Variants in ZDHHC21 observed in about 807,000 individuals in gnomAD.
The protein encoded by ZDHHC21 is palmitoyltransferase ZDHHC21.
ZDHHC21 carries 15 observed loss-of-function variants against 34.6 expected under a neutral mutation model. That is an observed-to-expected ratio of 0.43 (90% CI 0.29 to 0.67). ZDHHC21 has a LOEUF of 0.67. ZDHHC21 is among the 30% of genes least tolerant of loss of function. ZDHHC21 has a pLI of 0.14. For synonymous variants in ZDHHC21, 142 were observed against 101.8 expected (o/e 1.40, Z -2.38); for missense variants, 344 against 327.7 (o/e 1.05, Z -0.38).
chr9:14,636,948 C>G (rs10961630), intron 8 of ZDHHC21, among the ~76,000 whole-genome samples: 59,771 of 151,702 alleles, frequency 0.39, 12,154 homozygotes, highest in Non-Finnish European at 0.45. Context: ...TATATCAAAA[C>G]AGTAGAAAGA....
At chr9:14,628,021 G>C (rs974790259) in intron 8 of ZDHHC21, among the ~76,000 whole-genome samples, 1 of 152,250 alleles carries the variant, frequency 6.6e-6, no homozygotes, top group East Asian at 1.9e-4. Flanking sequence ...GAAGTAGACT[G>C]ATTTGAAAAC....
At chr9:14,625,493 TC>T (rs1826045220) in intron 8 of ZDHHC21, among the ~76,000 whole-genome samples, 1 of 152,046 alleles carries the variant, frequency 6.6e-6, no homozygotes, top group Non-Finnish European at 1.5e-5. Context: ...GACTGTATAA[TC>T]TAAAGAAAAT....
intron 8 of ZDHHC21, among the ~76,000 whole-genome samples, chr9:14,635,291 A>C (rs1407834582): frequency 6.6e-6 from 1 of 152,212 alleles, no homozygotes; most frequent in Non-Finnish European, 1.5e-5. Context: ...AAAACTTCTC[A>C]AGTCTAGCAA....
chr9:14,638,410 C>T (rs953441133), intron 8 of ZDHHC21, among the ~76,000 whole-genome samples: 1 of 152,008 alleles, frequency 6.6e-6, no homozygotes, highest in African/African-American at 2.4e-5. Context: ...GTATTAAAGA[C>T]TTAAACATAA....
chr9:14,623,591 C>T (rs942097985), intron 8 of ZDHHC21, among the ~76,000 whole-genome samples: 14 of 143,898 alleles, frequency 9.7e-5, no homozygotes, highest in Non-Finnish European at 1.4e-4. Context: ...TGCAACTATA[C>T]ATCTGACAAG....
rs1339996200 is a variant in ZDHHC21, at chr9:14,690,372, A to C, written c.-211T>G. 1 of 456,140 alleles carries C rather than the reference A, an allele frequency of 2.2e-6. No homozygotes were observed. The highest frequency in any genetic ancestry group is 1.6e-5 in the South Asian group (1 of 64,400). 28.3% of individuals were successfully genotyped at this position (456,140 alleles called of 1,614,324 possible). The stretch of plus-strand genomic sequence containing the variant: ...AAGCTGAAAATCCTGCAGTAAGTGA[A>C]AAAGTTCTTCATTCTGTAATTACAG... On this transcript the variant is annotated 5_prime_UTR_variant, in exon 2 of 10. Coordinates refer to ENST00000380916, the MANE Select transcript of ZDHHC21 (RefSeq NM_178566.6).
chr9:14,627,046 G>A (rs958288431), intron 8 of ZDHHC21, among the ~76,000 whole-genome samples: 2 of 152,052 alleles, frequency 1.3e-5, no homozygotes, highest in Non-Finnish European at 2.9e-5. Flanking sequence ...ACCTGGAGCT[G>A]AGTACATCAA....
chr9:14,644,797 T>TAG (rs1159328182), intron 7 of ZDHHC21, among the ~76,000 whole-genome samples: 2 of 149,706 alleles, frequency 1.3e-5, no homozygotes, highest in Non-Finnish European at 3.0e-5. Flanking sequence ...GGAGTTTATA[T>TAG]ATATACACAC....
At position 14,613,559 on chromosome 9, in the gene ZDHHC21, A is replaced by C. The variant is rs1823683553; in HGVS notation, c.*5407T>G. On this transcript the variant is annotated 3_prime_UTR_variant, in exon 10 of 10. Transcript: ENST00000380916. Reference sequence around the variant, plus strand: ...ACAAAAAAGCCCACAACTTCTGTTAAGCTATTTTGTCCGCATCTTTGTTTA... The same window carrying C: ...ACAAAAAAGCCCACAACTTCTGTTACGCTATTTTGTCCGCATCTTTGTTTA... 6.6e-6 allele frequency: 1 copy of C among 151,866 alleles called. No individual in the cohort carries two copies. Among genetic ancestry groups the C allele is most frequent in the Admixed American group, 6.6e-5 (1 of 15,208 alleles). The allele number at this position is 151,866 out of a possible 1,614,324, so 9.4% of individuals were successfully genotyped here. A position where few individuals can be genotyped will look rare whatever the true frequency, so the allele number is the denominator to read the frequency against.
chr9:14,682,014 C>A (rs1254713473), intron 2 of ZDHHC21, among the ~76,000 whole-genome samples: 3 of 152,114 alleles, frequency 2.0e-5, no homozygotes, highest in African/African-American at 4.8e-5. Context: ...ACCACCAGGC[C>A]TGCCCTACAA....
chr9:14,668,582 C>T (rs1834907642), intron 5 of ZDHHC21, among the ~76,000 whole-genome samples: 1 of 151,262 alleles, frequency 6.6e-6, no homozygotes, highest in Non-Finnish European at 1.5e-5. Context: ...GGAGGAATCA[C>T]ACGACCTGAC....
chr9:14,654,746 G>C (rs566315212), intron 7 of ZDHHC21, among the ~76,000 whole-genome samples: 1 of 152,092 alleles, frequency 6.6e-6, no homozygotes, highest in East Asian at 1.9e-4. Flanking sequence ...TTTAAGGGTA[G>C]GTTAGACATG....
At chr9:14,658,210 A>C (rs901977204) in intron 7 of ZDHHC21, among the ~76,000 whole-genome samples, 1 of 152,160 alleles carries the variant, frequency 6.6e-6, no homozygotes, top group Non-Finnish European at 1.5e-5. Flanking sequence ...ACACGTATTG[A>C]AAGATTCAAC....
At chr9:14,637,449 T>C (rs1275670672) in intron 8 of ZDHHC21, among the ~76,000 whole-genome samples, 2 of 152,124 alleles carry the variant, frequency 1.3e-5, no homozygotes, top group East Asian at 3.9e-4. Flanking sequence ...ACAACTTCAC[T>C]GCAAATTCTA....
chr9:14,631,098 A>G (rs533057972), intron 8 of ZDHHC21, among the ~76,000 whole-genome samples: 1 of 152,322 alleles, frequency 6.6e-6, no homozygotes, highest in South Asian at 2.1e-4. Flanking sequence ...CTCTGTAGCC[A>G]CAGAAGTCCT....
intron 8 of ZDHHC21, among the ~76,000 whole-genome samples, chr9:14,623,420 T>G (rs545137411): frequency 6.6e-6 from 1 of 151,868 alleles, no homozygotes; most frequent in South Asian, 2.1e-4. Context: ...TCCTCGCTAC[T>G]TGGGGGACTT....
At chr9:14,664,266 G>A (rs1230190301) in intron 5 of ZDHHC21, among the ~76,000 whole-genome samples, 1 of 152,118 alleles carries the variant, frequency 6.6e-6, no homozygotes, top group Non-Finnish European at 1.5e-5. Context: ...CTGGAAAATC[G>A]GGTCACTCCC....
At chr9:14,625,409 T>A (rs969736208) in intron 8 of ZDHHC21, among the ~76,000 whole-genome samples, 2 of 152,058 alleles carry the variant, frequency 1.3e-5, no homozygotes, top group Admixed American at 1.3e-4. Context: ...GCAACAGATC[T>A]TATATTTATA....
intron 3 of ZDHHC21, chr9:14,677,534 A>C (rs1836640978): frequency 6.6e-6 from 1 of 152,050 alleles, no homozygotes; most frequent in Non-Finnish European, 1.5e-5. Flanking sequence ...TCTTAAGGAC[A>C]GCATTCATAA....
Sources: gnomAD v4.1 joint callset for allele counts (sites outside exome capture counted in the v4.1 genomes callset) on GRCh38, gnomAD v4.1.1 for gene constraint, MANE v1.5 for transcripts, NCBI Gene and HGNC (gene_info 2026-07-23, HGNC 2026-07-21) for gene names.